Variants in SHISAL2A observed in about 807,000 individuals in gnomAD.
The protein encoded by SHISAL2A is protein shisa-like-2A.
SHISAL2A carries 18 observed loss-of-function variants against 11.5 expected under a neutral mutation model. That is an observed-to-expected ratio of 1.57 (90% CI 1.08 to 2.33). The LOEUF (loss-of-function observed/expected upper bound fraction) is 2.33, where lower values mean the gene tolerates loss of function less well. Ranked by LOEUF, SHISAL2A falls within the 30% of genes most tolerant of loss-of-function variation. The pLI is 0.00. For missense variants in SHISAL2A, 261 were observed against 250.9 expected (o/e 1.04, Z -0.27); for synonymous variants, 94 against 99.6 (o/e 0.94, Z 0.34).
At chr1:52,634,516 C>G (rs567321911) in intron 1 of SHISAL2A, among the ~76,000 whole-genome samples, 69 of 152,316 alleles carry the variant, frequency 4.5e-4, no homozygotes, top group African/African-American at 1.6e-3. Context: ...GAAGTGTTGA[C>G]TCTCCACCCA....
At chr1:52,653,439 G>A (rs1691717651) in intron 2 of SHISAL2A, among the ~76,000 whole-genome samples, 1 of 151,830 alleles carries the variant, frequency 6.6e-6, no homozygotes, top group African/African-American at 2.4e-5. Flanking sequence ...TAGTCTGGGT[G>A]ACAGAGCAAG....
chr1:52,652,623 A>G (rs78064841), intron 2 of SHISAL2A, among the ~76,000 whole-genome samples: 167 of 152,236 alleles, frequency 1.1e-3, no homozygotes, highest in Non-Finnish European at 1.9e-3. Flanking sequence ...TTAAATAACA[A>G]AGAATCCCAA....
intron 2 of SHISAL2A, among the ~76,000 whole-genome samples, chr1:52,647,298 C>T (rs1260650892): frequency 1.3e-5 from 2 of 152,110 alleles, no homozygotes; most frequent in Non-Finnish European, 2.9e-5. Context: ...TGACCAGAGG[C>T]TCACAGGAAC....
intron 2 of SHISAL2A, among the ~76,000 whole-genome samples, chr1:52,655,468 A>AAAG (rs1553252901): frequency 2.7e-5 from 4 of 146,082 alleles, no homozygotes; most frequent in African/African-American, 1.1e-4. Context: ...AAAAAAAAAA[A>AAAG]AAAAAAAAAA....
At position 52,662,187 on chromosome 1, in the gene SHISAL2A, CAA is replaced by C. The variant is rs990406572; in HGVS notation, n.695+2609_695+2610del. On this transcript the variant is annotated intron_variant and non_coding_transcript_variant, in intron 4 of 5. Transcript: ENST00000401050. The stretch of plus-strand genomic sequence containing the variant: ...TGTGGGGTAAGGACCATTAGAGTTG[CAA>C]AGATTCTAAGGCAGGAGAAAAGAAA... 3.7e-4 allele frequency among the ~76,000 whole-genome samples: 57 copies of C among 152,064 alleles called. 3 individuals carry two copies.
intron 2 of SHISAL2A, among the ~76,000 whole-genome samples, chr1:52,645,099 T>C (rs995838678): frequency 2.6e-5 from 4 of 151,284 alleles, no homozygotes; most frequent in Admixed American, 2.0e-4. Flanking sequence ...AGGTGGGTAG[T>C]AGCTAAGTCT....
chr1:52,668,828 G>T (rs1692058560), exon 6 of SHISAL2A: 1 of 152,314 alleles, frequency 6.6e-6, no homozygotes, highest in Non-Finnish European at 1.5e-5. Flanking sequence ...TAACCTCAAG[G>T]ATCCTGAGTC....
chr1:52,651,474 T>C (rs1159305598), intron 2 of SHISAL2A, among the ~76,000 whole-genome samples: 5 of 152,090 alleles, frequency 3.3e-5, no homozygotes, highest in African/African-American at 1.2e-4. Context: ...CCTGACCTCG[T>C]GATCCACCCG....
At chr1:52,661,319 T>C (rs943533053), downstream of SHISAL2A, among the ~76,000 whole-genome samples, 2 of 152,208 alleles carry the variant, frequency 1.3e-5, no homozygotes, top group Admixed American at 1.3e-4. Context: ...ATCTCTGCCT[T>C]TGGGGCCCTT....
At chr1:52,641,308 T>C (rs574091725) in intron 1 of SHISAL2A, among the ~76,000 whole-genome samples, 1 of 152,232 alleles carries the variant, frequency 6.6e-6, no homozygotes, top group African/African-American at 2.4e-5. Flanking sequence ...CTACTTGCAA[T>C]TGGTATGGGA....
intron 4 of SHISAL2A, among the ~76,000 whole-genome samples, chr1:52,666,583 C>CGT (rs3082869): frequency 0.052 from 7,753 of 150,430 alleles, 237 homozygotes; most frequent in South Asian, 0.1. Flanking sequence ...TGCACACGCG[C>CGT]GTGTGTGTGT....
downstream of SHISAL2A, chr1:52,657,134 G>A: frequency 6.9e-7 from 1 of 1,459,024 alleles, no homozygotes; most frequent in Admixed American, 2.3e-5. Context: ...CATGATAAAT[G>A]AGGGCTTCTC....
intron 2 of SHISAL2A, among the ~76,000 whole-genome samples, chr1:52,647,458 GA>G (rs2149882224): frequency 6.6e-6 from 1 of 152,218 alleles, no homozygotes; most frequent in East Asian, 1.9e-4. Context: ...TAAAAGATAA[GA>G]AAAATGTAAT....
At chr1:52,664,327 A>T (rs1305238401) in intron 4 of SHISAL2A, among the ~76,000 whole-genome samples, 1 of 149,772 alleles carries the variant, frequency 6.7e-6, no homozygotes, top group African/African-American at 2.5e-5. Context: ...AATAGCTGGG[A>T]CTACAGGCGC....
chr1:52,646,812 CTGTTT>C (rs994839176), intron 2 of SHISAL2A, among the ~76,000 whole-genome samples: 1 of 151,792 alleles, frequency 6.6e-6, no homozygotes, highest in Admixed American at 6.6e-5. Flanking sequence ...GGTGATTTCA[CTGTTT>C]TGTTTTGGTT....
intron 4 of SHISAL2A, among the ~76,000 whole-genome samples, chr1:52,662,495 C>A (rs990458986): frequency 6.6e-6 from 1 of 151,608 alleles, no homozygotes; most frequent in African/African-American, 2.4e-5. Flanking sequence ...CAGGCCCCTG[C>A]CAATATGCCC....
intron 1 of SHISAL2A, among the ~76,000 whole-genome samples, chr1:52,635,917 C>T (rs1430184248): frequency 6.6e-6 from 1 of 152,250 alleles, no homozygotes; most frequent in Non-Finnish European, 1.5e-5. Context: ...TGTCAGATTT[C>T]TCTCACTGTG....
intron 1 of SHISAL2A, among the ~76,000 whole-genome samples, chr1:52,638,941 G>A (rs954474637): frequency 1.3e-5 from 2 of 152,216 alleles, no homozygotes; most frequent in African/African-American, 2.4e-5. Flanking sequence ...GATAGCCAAG[G>A]CGGGCAGATT....
intron 2 of SHISAL2A, among the ~76,000 whole-genome samples, chr1:52,646,693 A>T (rs568267796): frequency 6.6e-6 from 1 of 152,328 alleles, no homozygotes; most frequent in South Asian, 2.1e-4. Context: ...CCTAGGTGAT[A>T]TTGAATAAGG....
Sources: allele counts gnomAD v4.1 joint callset (sites outside exome capture counted in the v4.1 genomes callset), GRCh38; gene constraint gnomAD v4.1.1; transcripts MANE v1.5; gene names NCBI Gene and HGNC (gene_info 2026-07-23, HGNC 2026-07-21).